Variants in FANCC observed in about 807,000 individuals in gnomAD.
The protein encoded by FANCC is Fanconi anemia group C protein.
Under a neutral mutation model 71.3 loss-of-function variants are expected in FANCC, and 55 were observed. The ratio of observed to expected loss-of-function variants is 0.77; its 90% CI spans 0.62 to 0.97. The LOEUF (loss-of-function observed/expected upper bound fraction) is 0.97, where lower values mean the gene tolerates loss of function less well. Among genes scored for constraint, FANCC ranks in the 50% least tolerant of loss-of-function variants. The pLI is 0.00. For synonymous variants in FANCC, 275 were observed against 244.9 expected (o/e 1.12, Z -1.15); for missense variants, 678 against 670.9 (o/e 1.01, Z -0.12).
rs143749178 is a variant in FANCC, at chr9:95,146,559, T to C, written c.686+3364A>G. ...ATAAAATGATTTAAAAACCACAGTA[T>C]TCTTAACAAAATGTCAAGTTTATAA... On this transcript the variant is annotated intron_variant, in intron 7 of 14. Transcript: ENST00000289081. Among the ~76,000 whole-genome samples the C allele has an allele frequency of 3.3e-3, 491 of 150,814 alleles. 9 individuals are homozygous for C. In the East Asian group the frequency reaches 0.043, roughly 13 times the overall value.
intron 14 of FANCC, among the ~76,000 whole-genome samples, chr9:95,105,716 C>A (rs2071391875): frequency 6.6e-6 from 1 of 152,212 alleles, no homozygotes; most frequent in Admixed American, 6.5e-5. Flanking sequence ...AGGTGCCTCA[C>A]CTAAGTGACT....
At chr9:95,281,254 A>C (rs1265607565) in intron 1 of FANCC, among the ~76,000 whole-genome samples, 1 of 152,114 alleles carries the variant, frequency 6.6e-6, no homozygotes, top group Non-Finnish European at 1.5e-5. Context: ...TTATAATCAA[A>C]ATGTCAAAGA....
chr9:95,231,996 T>C (rs1335813778), intron 4 of FANCC, among the ~76,000 whole-genome samples: 1 of 152,116 alleles, frequency 6.6e-6, no homozygotes, highest in Admixed American at 6.5e-5. Context: ...ATGAAGTAAT[T>C]ATAAAGAAAA....
intron 8 of FANCC, among the ~76,000 whole-genome samples, chr9:95,127,699 T>G (rs1826217152): frequency 6.6e-6 from 1 of 152,188 alleles, no homozygotes; most frequent in Admixed American, 6.5e-5. Flanking sequence ...GAAACACTGT[T>G]CACAGGCCCC....
chr9:95,176,449 T>C (rs904909588), intron 4 of FANCC, among the ~76,000 whole-genome samples: 30 of 152,262 alleles, frequency 2.0e-4, no homozygotes, highest in Non-Finnish European at 8.8e-5. Context: ...CACAGGCTTT[T>C]TGGGCCATCA....
intron 1 of FANCC, among the ~76,000 whole-genome samples, chr9:95,296,980 T>C (rs1030638424): frequency 1.6e-4 from 25 of 152,242 alleles, no homozygotes; most frequent in Admixed American, 7.2e-4. Context: ...ACATTAGTCA[T>C]AGTCACTGAA....
intron 9 of FANCC, among the ~76,000 whole-genome samples, chr9:95,125,915 C>T (rs536018974): frequency 1.3e-5 from 2 of 152,338 alleles, no homozygotes; most frequent in East Asian, 1.9e-4. Flanking sequence ...ATGGTTAGTA[C>T]TCCCACTAAC....
At chr9:95,121,858 ATTTTTTT>A (rs61191938) in intron 10 of FANCC, among the ~76,000 whole-genome samples, 1 of 138,130 alleles carries the variant, frequency 7.2e-6, no homozygotes, top group Non-Finnish European at 1.6e-5. Context: ...CATAAAATTC[ATTTTTTT>A]TTTTTTTTTT....
intron 1 of FANCC, among the ~76,000 whole-genome samples, chr9:95,282,443 T>G (rs1300230897): frequency 1.3e-5 from 2 of 152,132 alleles, no homozygotes; most frequent in African/African-American, 4.8e-5. Context: ...AAGCCAATAT[T>G]AATAGATCTC....
chr9:95,166,021 C>A (rs1831044902), intron 6 of FANCC, among the ~76,000 whole-genome samples: 1 of 151,928 alleles, frequency 6.6e-6, no homozygotes, highest in East Asian at 1.9e-4. Context: ...ATTATATAAT[C>A]TTTTTCTTTG....
At chr9:95,257,489 C>T (rs1831737489) in intron 1 of FANCC, among the ~76,000 whole-genome samples, 2 of 152,272 alleles carry the variant, frequency 1.3e-5, no homozygotes, top group African/African-American at 2.4e-5. Context: ...CCAATGAGAA[C>T]AAAGACACAA....
At position 95,249,284 on chromosome 9, in the gene FANCC, T is replaced by A. The variant is rs1415268424; in HGVS notation, c.8A>T (p.Gln3Leu). The A allele has an allele frequency of 6.2e-7, 1 of 1,614,084 alleles. No individual in the cohort carries two copies. Residue 3 changes from glutamine to leucine, a missense_variant, in exon 2 of 15, where the codon CAA (glutamine) becomes CTA (leucine). Coordinates refer to ENST00000289081, the MANE Select transcript of FANCC (RefSeq NM_000136.3). ...ATCACAAGAAAGATCTACTGAATCT[T>A]GAGCCATCTTGGAAAAAGCGAAAAG... MAQDSVDLSCDYQ... is the reference protein window; with the variant it reads MALDSVDLSCDYQ...
intron 1 of FANCC, among the ~76,000 whole-genome samples, chr9:95,283,886 T>G (rs2136278548): frequency 6.6e-6 from 1 of 152,358 alleles, no homozygotes. Context: ...GAATCCCTAC[T>G]CTATAACATA....
intron 4 of FANCC, among the ~76,000 whole-genome samples, chr9:95,206,114 G>A (rs538582675): frequency 2.6e-5 from 4 of 152,260 alleles, no homozygotes; most frequent in African/African-American, 9.6e-5. Context: ...AGCATCATAT[G>A]TAAAAAGGTT....
chr9:95,121,321 A>G (rs955085844), intron 10 of FANCC, among the ~76,000 whole-genome samples: 11 of 152,208 alleles, frequency 7.2e-5, no homozygotes, highest in Admixed American at 3.3e-4. Context: ...TCCTCCAAAC[A>G]GAACAGGGAC....
chr9:95,308,088 T>G (rs1835168370), intron 1 of FANCC, among the ~76,000 whole-genome samples: 1 of 152,198 alleles, frequency 6.6e-6, no homozygotes, highest in Non-Finnish European at 1.5e-5. Context: ...ATGTAGTCAT[T>G]TAGTCATAGC....
chr9:95,237,434 T>C (rs1235509907), intron 4 of FANCC, among the ~76,000 whole-genome samples: 1 of 152,178 alleles, frequency 6.6e-6, no homozygotes, highest in South Asian at 2.1e-4. Context: ...TCCCTCCACC[T>C]CTCACTAAAC....
intron 6 of FANCC, among the ~76,000 whole-genome samples, chr9:95,153,652 C>T (rs1168751505): frequency 1.3e-5 from 2 of 152,130 alleles, no homozygotes; most frequent in East Asian, 1.9e-4. Flanking sequence ...ATATCCTTTG[C>T]CCACTGTTTG....
chr9:95,124,289 C>T (rs1048974560), intron 10 of FANCC, among the ~76,000 whole-genome samples: 3 of 152,096 alleles, frequency 2.0e-5, no homozygotes, highest in African/African-American at 7.2e-5. Context: ...GGACCAGCAC[C>T]ACTCTCGACA....
Sources: allele counts gnomAD v4.1 joint callset (sites outside exome capture counted in the v4.1 genomes callset), GRCh38; gene constraint gnomAD v4.1.1; transcripts MANE v1.5; gene names NCBI Gene and HGNC (gene_info 2026-07-23, HGNC 2026-07-21).